ABCD3: variants seen among roughly 807,000 people sequenced by gnomAD.
ABCD3 encodes the protein ATP-binding cassette sub-family D member 3.
ABCD3 carries 41 observed loss-of-function variants against 105.5 expected under a neutral mutation model. That is an observed-to-expected ratio of 0.39 (90% CI 0.30 to 0.50). The LOEUF is 0.50. Among genes scored for constraint, ABCD3 ranks in the 20% least tolerant of loss-of-function variants. The pLI, the probability that ABCD3 is intolerant of heterozygous loss-of-function variation, is 0.84. For missense variants in ABCD3, 622 were observed against 806.3 expected (o/e 0.77, Z 2.77); for synonymous variants, 258 against 269.0 (o/e 0.96, Z 0.40).
intron 1 of ABCD3, among the ~76,000 whole-genome samples, chr1:94,444,309 G>A (rs900352362): frequency 7.4e-5 from 11 of 149,052 alleles, no homozygotes; most frequent in African/African-American, 2.7e-4. Flanking sequence ...TCTAGCCGGG[G>A]GGGCAGAGCG....
chr1:94,387,344 A>AT, the ABCD3 span, among the ~76,000 whole-genome samples: 1 of 152,146 alleles, frequency 6.6e-6, no homozygotes, highest in East Asian at 1.9e-4. Context: ...TAACTGGGGC[A>AT]TTTTTTTAAA....
chr1:94,423,719 CT>C (rs942218764), intron 1 of ABCD3, among the ~76,000 whole-genome samples: 2 of 148,522 alleles, frequency 1.3e-5, no homozygotes, highest in Non-Finnish European at 1.5e-5. Context: ...AATTTCTTGA[CT>C]TTTTTTTTTG....
At chr1:94,471,967 T>C (rs1463741367) in intron 4 of ABCD3, among the ~76,000 whole-genome samples, 2 of 152,142 alleles carry the variant, frequency 1.3e-5, no homozygotes, top group South Asian at 2.1e-4. Flanking sequence ...GTAGAAACTA[T>C]ACTAATTCCA....
At chr1:94,515,085 T>C (rs1650857956) in intron 21 of ABCD3, 61 bp from the exon 22 acceptor site, 3 of 1,279,040 alleles carry the variant, frequency 2.3e-6, no homozygotes, top group Non-Finnish European at 1.1e-6. Context: ...TTAAAGTACA[T>C]GGACTAGTTT....
chr1:94,388,265 G>A, the ABCD3 span, among the ~76,000 whole-genome samples: 2 of 152,112 alleles, frequency 1.3e-5, no homozygotes, highest in Non-Finnish European at 1.5e-5. Flanking sequence ...TTAAACTAAC[G>A]TCTACATGAA....
At chr1:94,466,718 T>C (rs148705003) in intron 3 of ABCD3, among the ~76,000 whole-genome samples, 3 of 152,326 alleles carry the variant, frequency 2.0e-5, no homozygotes, top group East Asian at 3.9e-4. Flanking sequence ...AAATACAAGC[T>C]TCTCTGGAAA....
intron 1 of ABCD3, among the ~76,000 whole-genome samples, chr1:94,443,590 T>C (rs1280483238): frequency 6.6e-6 from 1 of 152,222 alleles, no homozygotes; most frequent in Non-Finnish European, 1.5e-5. Flanking sequence ...GATGTGCTTA[T>C]CAGCTTCTGG....
Position 94,517,191 on chromosome 1 carries a change from A to G in ABCD3, c.*62A>G. The G allele has an allele frequency of 8.0e-7, 1 of 1,242,914 alleles. No homozygotes were observed. The highest frequency in any genetic ancestry group is 1.5e-5 in the African/African-American group (1 of 67,704). 77.0% of individuals were successfully genotyped at this position (1,242,914 alleles called of 1,614,324 possible). A position where few individuals can be genotyped will look rare whatever the true frequency, so the allele number is the denominator to read the frequency against. On this transcript the variant is annotated 3_prime_UTR_variant, in exon 23 of 23. Transcript: ENST00000370214. ...ATTACAGAATATACTTAGAAAGGCA[A>G]AGTACATTGTAAAATAAAGTTGAGC...
chr1:94,510,508 G>A (rs1445585196), intron 21 of ABCD3, among the ~76,000 whole-genome samples: 1 of 152,138 alleles, frequency 6.6e-6, no homozygotes, highest in Non-Finnish European at 1.5e-5. Flanking sequence ...TATTAGGTCT[G>A]CTTGGTGCAG....
intron 16 of ABCD3, among the ~76,000 whole-genome samples, chr1:94,493,827 A>G (rs1275519281): frequency 6.6e-6 from 1 of 152,164 alleles, no homozygotes; most frequent in Non-Finnish European, 1.5e-5. Context: ...CATCATTCTC[A>G]GTAAACTATC....
At chr1:94,458,290 C>A (rs1647688067) in intron 1 of ABCD3, among the ~76,000 whole-genome samples, 1 of 152,098 alleles carries the variant, frequency 6.6e-6, no homozygotes, top group African/African-American at 2.4e-5. Flanking sequence ...TTTACATGGC[C>A]AAGCTATGAT....
chr1:94,504,055 G>A (rs1268491711), intron 20 of ABCD3, among the ~76,000 whole-genome samples: 1 of 151,884 alleles, frequency 6.6e-6, no homozygotes, highest in African/African-American at 2.4e-5. Context: ...TGGGACTACA[G>A]GCACGCATCA....
chr1:94,467,782 T>C (rs535690907), intron 3 of ABCD3, 137 bp from the exon 4 acceptor site: 7 of 656,054 alleles, frequency 1.1e-5, no homozygotes, highest in Admixed American at 7.7e-5. Flanking sequence ...AAATTACTTA[T>C]AGAAAAAATG....
intron 16 of ABCD3, among the ~76,000 whole-genome samples, chr1:94,493,843 G>A (rs1250068578): frequency 2.0e-4 from 31 of 151,662 alleles, no homozygotes; most frequent in South Asian, 4.2e-4. Flanking sequence ...CTATCGCAAG[G>A]ACAAAAAACC....
chr1:94,410,287 G>A, the ABCD3 span, among the ~76,000 whole-genome samples: 1 of 152,040 alleles, frequency 6.6e-6, no homozygotes, highest in Admixed American at 6.5e-5. Flanking sequence ...TTATTACAGT[G>A]GTCCTTGTGG....
chr1:94,450,634 A>G (rs1052663552), intron 1 of ABCD3, among the ~76,000 whole-genome samples: 4 of 152,230 alleles, frequency 2.6e-5, no homozygotes, highest in South Asian at 2.1e-4. Flanking sequence ...CTTGCTGTCA[A>G]TAAATATGTG....
chr1:94,480,287 A>G (rs370874830), intron 8 of ABCD3, 177 bp from the exon 9 acceptor site: 1 of 671,650 alleles, frequency 1.5e-6, no homozygotes, highest in African/African-American at 1.8e-5. Flanking sequence ...ATGAGTAGTA[A>G]AAGTGTAGAG....
intron 1 of ABCD3, among the ~76,000 whole-genome samples, chr1:94,457,602 C>T (rs1051916161): frequency 5.9e-5 from 9 of 152,034 alleles, no homozygotes; most frequent in African/African-American, 2.2e-4. Flanking sequence ...TGGCTCAGCT[C>T]TAGAGACACT....
chr1:94,512,100 G>T (rs1650701111), intron 21 of ABCD3, among the ~76,000 whole-genome samples: 1 of 152,046 alleles, frequency 6.6e-6, no homozygotes, highest in Admixed American at 6.6e-5. Flanking sequence ...TTTCTGCTCT[G>T]TTTTTTCCCC....
Sources: gnomAD v4.1 joint callset for allele counts (sites outside exome capture counted in the v4.1 genomes callset) on GRCh38, gnomAD v4.1.1 for gene constraint, MANE v1.5 for transcripts, NCBI Gene and HGNC (gene_info 2026-07-23, HGNC 2026-07-21) for gene names.